Variants in EEIG1 observed in about 807,000 individuals in gnomAD.
EEIG1 encodes early estrogen-induced gene 1 protein.
the EEIG1 span, among the ~76,000 whole-genome samples, chr9:127,964,217 G>A: frequency 6.6e-6 from 1 of 152,220 alleles, no homozygotes; most frequent in African/African-American, 2.4e-5. Flanking sequence ...TGGGGCTGTT[G>A]GGGTGACTCT....
chr9:127,968,933 A>G, the EEIG1 span, among the ~76,000 whole-genome samples: 17 of 152,150 alleles, frequency 1.1e-4, no homozygotes, highest in African/African-American at 4.1e-4. Flanking sequence ...TCCTGGACCA[A>G]TCTTTGCCTC....
chr9:127,953,268 C>T, the EEIG1 span: 3 of 405,846 alleles, frequency 7.4e-6, no homozygotes, highest in Non-Finnish European at 1.3e-5. Flanking sequence ...TTTCTTCTTA[C>T]AAGGTCTGGA....
chr9:127,942,728 A>AACGGAG, the EEIG1 span: 1 of 173,010 alleles, frequency 5.8e-6, no homozygotes, highest in Admixed American at 5.7e-5. Flanking sequence ...GGGCAAGGGA[A>AACGGAG]CAACGGAGCA....
At chr9:127,962,625 A>G in the EEIG1 span, among the ~76,000 whole-genome samples, 2 of 152,366 alleles carry the variant, frequency 1.3e-5, no homozygotes, top group African/African-American at 4.8e-5. Flanking sequence ...CCAGTACCCA[A>G]CACATGTCTC....
chr9:127,943,125 T>C, the EEIG1 span: 1 of 1,497,568 alleles, frequency 6.7e-7, no homozygotes, highest in Non-Finnish European at 9.3e-7. Flanking sequence ...GGAAAGTTCC[T>C]CATGGAATGA....
chr9:127,948,490 C>T, the EEIG1 span: 52 of 1,455,626 alleles, frequency 3.6e-5, no homozygotes, highest in East Asian at 1.1e-3. Context: ...TGCAGCCTTT[C>T]GGCTCTGGCC....
the EEIG1 span, among the ~76,000 whole-genome samples, chr9:127,979,065 G>A: frequency 6.6e-6 from 1 of 152,198 alleles, no homozygotes; most frequent in Admixed American, 6.5e-5. Flanking sequence ...CGTCCACGCT[G>A]GTCTTGAACT....
the EEIG1 span, chr9:127,944,419 C>A: frequency 1.6e-6 from 1 of 606,790 alleles, no homozygotes; most frequent in Non-Finnish European, 2.9e-6. Context: ...CCTCACTGCC[C>A]CAGGCTCCCA....
the EEIG1 span, among the ~76,000 whole-genome samples, chr9:127,958,758 GA>G: frequency 6.6e-6 from 1 of 151,728 alleles, no homozygotes; most frequent in South Asian, 2.1e-4. Context: ...CACAAAATAA[GA>G]AAAAATACTT....
At chr9:127,963,162 G>A in the EEIG1 span, among the ~76,000 whole-genome samples, 91,965 of 152,168 alleles carry the variant, frequency 0.6, 31,253 homozygotes, top group Non-Finnish European at 0.77. Flanking sequence ...TTCTGTCCAA[G>A]AGTTGTTTCC....
the EEIG1 span, among the ~76,000 whole-genome samples, chr9:127,979,064 T>C: frequency 1.3e-5 from 2 of 152,046 alleles, no homozygotes. Context: ...TCGTCCACGC[T>C]GGTCTTGAAC....
chr9:127,940,824 G>T, the EEIG1 span: 1 of 151,062 alleles, frequency 6.6e-6, no homozygotes, highest in African/African-American at 2.4e-5. Flanking sequence ...CCTCCATCCT[G>T]ATAGACATGC....
the EEIG1 span, chr9:127,953,135 GA>G: frequency 1.1e-3 from 174 of 165,090 alleles, no homozygotes; most frequent in South Asian, 1.2e-3. Context: ...GTCTCCAGAG[GA>G]AAAAAAAAAT....
the EEIG1 span, among the ~76,000 whole-genome samples, chr9:127,968,989 G>A: frequency 3.9e-5 from 6 of 152,294 alleles, no homozygotes; most frequent in South Asian, 4.1e-4. Flanking sequence ...CTTACTACAC[G>A]TCAGGCCTGT....
the EEIG1 span, chr9:127,979,930 C>A: frequency 6.5e-7 from 1 of 1,548,416 alleles, no homozygotes; most frequent in Non-Finnish European, 8.7e-7. Flanking sequence ...TCCACACTTG[C>A]CAAGTGTCTA....
the EEIG1 span, chr9:127,945,263 A>C: frequency 2.1e-6 from 2 of 957,962 alleles, no homozygotes; most frequent in Non-Finnish European, 3.0e-6. The surrounding 1 kb of genome is among the most constrained non-coding windows in gnomAD (Gnocchi z 6.5). Flanking sequence ...CAACCCTCTG[A>C]GGTGGGGACC....
chr9:127,954,015 G>T, the EEIG1 span: 3 of 1,496,976 alleles, frequency 2.0e-6, no homozygotes, highest in South Asian at 2.4e-5. Context: ...CTCCCCATTG[G>T]GACTGAGGCG....
the EEIG1 span, among the ~76,000 whole-genome samples, chr9:127,963,915 T>G: frequency 6.6e-6 from 1 of 151,874 alleles, no homozygotes; most frequent in African/African-American, 2.4e-5. Flanking sequence ...ACAAGGGCGG[T>G]GAACAGAGCA....
At chr9:127,968,311 C>A in the EEIG1 span, among the ~76,000 whole-genome samples, 1 of 152,108 alleles carries the variant, frequency 6.6e-6, no homozygotes, top group Non-Finnish European at 1.5e-5. Context: ...CATGGGGCTG[C>A]CTCTGTCCTC....
Sources: gnomAD v4.1 joint callset for allele counts (sites outside exome capture counted in the v4.1 genomes callset) on GRCh38, gnomAD v4.1.1 for gene constraint, Gnocchi (gnomAD v3.1) non-coding constraint, MANE v1.5 for transcripts, NCBI Gene and HGNC (gene_info 2026-07-23, HGNC 2026-07-21) for gene names.